The following MAPK10 variants were observed in gnomAD, a reference collection of about 807,000 sequenced individuals.
MAPK10 encodes the protein mitogen-activated protein kinase 10.
In MAPK10, 25 loss-of-function variants were observed where a neutral mutation model predicts 59.3. The ratio of observed to expected loss-of-function variants is 0.42; its 90% CI spans 0.31 to 0.59. The LOEUF (loss-of-function observed/expected upper bound fraction) is 0.59, where lower values mean the gene tolerates loss of function less well. Ranked by LOEUF, MAPK10 falls within the 20% of genes least tolerant of loss-of-function variation. The probability of loss-of-function intolerance (pLI) is 0.15; values close to 1 mark genes in which losing one functional copy is unlikely to be tolerated. For synonymous variants in MAPK10, 190 were observed against 200.5 expected, an observed-to-expected ratio of 0.95 and a Z score of 0.44; for missense variants, 351 against 568.9, an observed-to-expected ratio of 0.62 and a Z score of 3.90.
At chr4:86,319,996 C>T (rs1375559003) in intron 2 of MAPK10, among the ~76,000 whole-genome samples, 1 of 152,224 alleles carries the variant, frequency 6.6e-6, no homozygotes, top group Non-Finnish European at 1.5e-5. Flanking sequence ...GCTGCAGACT[C>T]AGATGTTTCA....
chr4:86,177,342 TC>T (rs2075909255), intron 3 of MAPK10, among the ~76,000 whole-genome samples: 1 of 152,142 alleles, frequency 6.6e-6, no homozygotes. Context: ...TGCAGGTTTT[TC>T]CTTTGCCCTG....
chr4:86,583,482 G>C (rs1487969366), intron 1 of MAPK10, among the ~76,000 whole-genome samples: 1 of 152,052 alleles, frequency 6.6e-6, no homozygotes, highest in Non-Finnish European at 1.5e-5. Flanking sequence ...AAGTCTTTTG[G>C]GGGAAAGTCA....
chr4:86,591,952 C>CAT (rs555253261), intron 1 of MAPK10, among the ~76,000 whole-genome samples: 11 of 151,566 alleles, frequency 7.3e-5, no homozygotes, highest in Non-Finnish European at 1.2e-4. Context: ...TTTAGTATAA[C>CAT]ATATATATAT....
At chr4:86,158,043 C>G (rs1581515022) in intron 4 of MAPK10, among the ~76,000 whole-genome samples, 2 of 152,080 alleles carry the variant, frequency 1.3e-5, no homozygotes, top group African/African-American at 2.4e-5. Flanking sequence ...TCTCCCGCCA[C>G]TGGTAAATTT....
At chr4:86,505,220 T>G (rs911731251) in intron 1 of MAPK10, among the ~76,000 whole-genome samples, 2 of 152,160 alleles carry the variant, frequency 1.3e-5, no homozygotes, top group Non-Finnish European at 2.9e-5. Flanking sequence ...TTTCTACTCT[T>G]TGATAATTTA....
intron 1 of MAPK10, among the ~76,000 whole-genome samples, chr4:86,515,574 CCCTGATTATT>C (rs1367164082): frequency 1.3e-5 from 2 of 152,026 alleles, no homozygotes; most frequent in Non-Finnish European, 2.9e-5. Flanking sequence ...ATTTGCATTT[CCCTGATTATT>C]AGTGATATTG....
chr4:86,297,311 T>C (rs1482787269), intron 2 of MAPK10, among the ~76,000 whole-genome samples: 1 of 152,158 alleles, frequency 6.6e-6, no homozygotes, highest in African/African-American at 2.4e-5. Flanking sequence ...TTTGTTTGTT[T>C]GTTTTTGTTT....
chr4:86,330,720 T>C (rs149259245), intron 2 of MAPK10, among the ~76,000 whole-genome samples: 1 of 152,212 alleles, frequency 6.6e-6, no homozygotes, highest in Non-Finnish European at 1.5e-5. Context: ...TTAAACCTCT[T>C]TCCTTTATAA....
intron 2 of MAPK10, among the ~76,000 whole-genome samples, chr4:86,213,371 A>T (rs1295262216): frequency 6.6e-6 from 1 of 152,088 alleles, no homozygotes; most frequent in Non-Finnish European, 1.5e-5. Context: ...GACCAACAAA[A>T]TAGAGAATAG....
intron 1 of MAPK10, among the ~76,000 whole-genome samples, chr4:86,430,989 C>T (rs1747968305): frequency 6.6e-6 from 1 of 150,888 alleles, no homozygotes; most frequent in African/African-American, 2.4e-5. Context: ...GGAATAAAAG[C>T]CAGGCTATTA....
At chr4:86,247,678 T>A (rs1357355190) in intron 2 of MAPK10, among the ~76,000 whole-genome samples, 1 of 152,120 alleles carries the variant, frequency 6.6e-6, no homozygotes, top group African/African-American at 2.4e-5. Flanking sequence ...GTGTAGGTGA[T>A]CTGACAATAC....
At chr4:86,337,038 C>T (rs764643225) in intron 2 of MAPK10, among the ~76,000 whole-genome samples, 1 of 152,140 alleles carries the variant, frequency 6.6e-6, no homozygotes, top group African/African-American at 2.4e-5. Flanking sequence ...ATCCACCTGC[C>T]TCAGCCTCCC....
intron 2 of MAPK10, among the ~76,000 whole-genome samples, chr4:86,235,295 T>G (rs2148672274): frequency 6.6e-6 from 1 of 152,294 alleles, no homozygotes; most frequent in South Asian, 2.1e-4. Context: ...TCAAAATTCC[T>G]AATTCTTACC....
intron 1 of MAPK10, among the ~76,000 whole-genome samples, chr4:86,431,837 TA>T (rs1278551426): frequency 6.6e-6 from 1 of 152,136 alleles, no homozygotes; most frequent in African/African-American, 2.4e-5. Context: ...GACCCGTGTT[TA>T]AAAAAATGGC....
chr4:86,580,337 A>G (rs1762176043), intron 1 of MAPK10, among the ~76,000 whole-genome samples: 1 of 151,986 alleles, frequency 6.6e-6, no homozygotes, highest in Non-Finnish European at 1.5e-5. Context: ...CGCTCCTACT[A>G]AACATACAAA....
chr4:86,146,559 T>C (rs1045015488), intron 4 of MAPK10, among the ~76,000 whole-genome samples: 1 of 152,158 alleles, frequency 6.6e-6, no homozygotes, highest in Non-Finnish European at 1.5e-5. Flanking sequence ...GCAGGTGGAA[T>C]GTGAGCAAAA....
At position 86,201,662 on chromosome 4, in the gene MAPK10, T is replaced by A. The variant is rs150515654; in HGVS notation, c.-6-7255A>T. On this transcript the variant is annotated intron_variant, in intron 2 of 13. Transcript: ENST00000641462. ...TCAGCTCGCATATTCAGCTTATTAA[T>A]GTTATTTTTAAATTAGTAGTATTTT... Among the ~76,000 whole-genome samples, 179 of 151,976 alleles carry A rather than the reference T, an allele frequency of 1.2e-3. 1 individual carries two copies. Among genetic ancestry groups the A allele is most frequent in the African/African-American group, 4.0e-3 (165 of 41,548 alleles).
chr4:86,050,078 A>G (rs531003787), intron 11 of MAPK10, among the ~76,000 whole-genome samples: 1 of 152,084 alleles, frequency 6.6e-6, no homozygotes, highest in Admixed American at 6.6e-5. Flanking sequence ...TCTCCTGGCC[A>G]TTGAGCAGGC....
chr4:86,311,928 A>G (rs1233637947), intron 2 of MAPK10, among the ~76,000 whole-genome samples: 2 of 151,688 alleles, frequency 1.3e-5, no homozygotes, highest in African/African-American at 4.8e-5. Context: ...AAGAATCAAA[A>G]TAGCCAATAG....
Sources: gnomAD v4.1 joint callset for allele counts (sites outside exome capture counted in the v4.1 genomes callset) on GRCh38, gnomAD v4.1.1 for gene constraint, MANE v1.5 for transcripts, NCBI Gene and HGNC (gene_info 2026-07-23, HGNC 2026-07-21) for gene names.